The following DPP10 variants were observed in gnomAD, a reference collection of about 807,000 sequenced individuals.
DPP10 encodes the protein dipeptidyl peptidase like 10, also known as inactive dipeptidyl peptidase 10.
A neutral mutation model predicts 120.9 loss-of-function variants in DPP10; 33 were observed. That is an observed-to-expected ratio of 0.27 (90% CI 0.21 to 0.37). The LOEUF (loss-of-function observed/expected upper bound fraction) is 0.37. Ranked by LOEUF, DPP10 falls within the 10% of genes least tolerant of loss-of-function variation. The pLI, the probability that DPP10 is intolerant of heterozygous loss-of-function variation, is 1.00. For synonymous variants in DPP10, 337 were observed against 326.1 expected, an observed-to-expected ratio of 1.03 and a Z score of -0.36; for missense variants, 816 against 942.8, an observed-to-expected ratio of 0.87 and a Z score of 1.76.
At chr2:114,862,895 CAA>C (rs759224817) in intron 1 of DPP10, among the ~76,000 whole-genome samples, 1 of 39,460 alleles carries the variant, frequency 2.5e-5, no homozygotes, top group African/African-American at 8.2e-5. Flanking sequence ...ATTTTAGGAC[CAA>C]AAAAAAAAAA....
intron 3 of DPP10, among the ~76,000 whole-genome samples, chr2:115,474,931 G>T (rs531067920): frequency 5.0e-4 from 76 of 152,258 alleles, no homozygotes; most frequent in African/African-American, 1.7e-3. Context: ...CAAGCCCAGG[G>T]CCCCACTGCC....
At chr2:115,172,030 C>T (rs1410728884) in intron 1 of DPP10, among the ~76,000 whole-genome samples, 1 of 150,090 alleles carries the variant, frequency 6.7e-6, no homozygotes, top group Admixed American at 6.6e-5. Context: ...TTACACTCAG[C>T]ATGAATAAGC....
At chr2:114,664,703 G>A (rs1219318661) in intron 1 of DPP10, among the ~76,000 whole-genome samples, 4 of 151,726 alleles carry the variant, frequency 2.6e-5, no homozygotes, top group Non-Finnish European at 5.9e-5. Context: ...AGGCACAATC[G>A]GGGATGGAGA....
At position 115,499,521 on chromosome 2, in the gene DPP10, G is replaced by T; in HGVS notation, c.283G>T (p.Val95Leu). 1 of 1,610,972 alleles carries T rather than the reference G, an allele frequency of 6.2e-7. No homozygotes were observed. The highest frequency in any genetic ancestry group is 8.5e-7 in the Non-Finnish European group (1 of 1,178,158). Residue 95 changes from valine to leucine, a missense_variant, in exon 4 of 26, where the codon GTG (valine) becomes TTG (leucine). Val to Leu is a conservative substitution (Grantham distance 32). This residue lies in a region of DPP10 where 182 missense variants were observed against 207.4 expected (regional missense o/e 0.88). Transcript: ENST00000410059. ...CTTTGTTGTTGCAGATACAGATGTGGTGTATAAAAGCGAGAATGGACATGT... is the reference window on the plus strand; with the variant it reads ...CTTTGTTGTTGCAGATACAGATGTGTTGTATAAAAGCGAGAATGGACATGT... ...EARWINDTDVVYKSENGHVIK... is the reference protein window; with the variant it reads ...EARWINDTDVLYKSENGHVIK...
chr2:115,114,536 G>A lies in DPP10; in HGVS notation c.61-194703G>A, dbSNP rs571506292. ...TTTATTCTCAAGGAGTTATATTCAC[G>A]ATCTAGATTCTCTACATGTGCCACC... On this transcript the variant is annotated intron_variant, in intron 1 of 25. Transcript: ENST00000410059. Among the ~76,000 whole-genome samples the A allele has an allele frequency of 8.5e-5, 13 of 152,108 alleles. No homozygotes were observed. The East Asian group carries it at 1.9e-3, about 23-fold the overall frequency.
At chr2:114,670,111 G>C (rs374107076) in intron 1 of DPP10, among the ~76,000 whole-genome samples, 1 of 152,288 alleles carries the variant, frequency 6.6e-6, no homozygotes, top group East Asian at 1.9e-4. Context: ...AGTCGGTGTG[G>C]AGATTCCTCA....
intron 1 of DPP10, among the ~76,000 whole-genome samples, chr2:115,294,806 C>T (rs1414438052): frequency 6.6e-6 from 1 of 151,992 alleles, no homozygotes; most frequent in African/African-American, 2.4e-5. Flanking sequence ...TGATGTTTCT[C>T]ATGCAGCCAA....
At chr2:115,827,414 GTATA>G (rs70941101) in intron 21 of DPP10, among the ~76,000 whole-genome samples, 22 of 75,438 alleles carry the variant, frequency 2.9e-4, no homozygotes, top group African/African-American at 8.7e-4. Flanking sequence ...ATGTGTGTGT[GTATA>G]TATATATATA....
At chr2:114,881,562 T>TACC (rs1691631302) in intron 1 of DPP10, among the ~76,000 whole-genome samples, 1 of 139,262 alleles carries the variant, frequency 7.2e-6, no homozygotes, top group Non-Finnish European at 1.6e-5. Context: ...TCTATCTATG[T>TACC]ATCATCTATC....
At chr2:115,374,627 A>G (rs776216467) in intron 3 of DPP10, among the ~76,000 whole-genome samples, 1 of 152,220 alleles carries the variant, frequency 6.6e-6, no homozygotes, top group African/African-American at 2.4e-5. Context: ...GGCTCCGCAC[A>G]TGCAGCATAC....
intron 1 of DPP10, among the ~76,000 whole-genome samples, chr2:114,686,742 A>G (rs1385311562): frequency 6.6e-6 from 1 of 151,938 alleles, no homozygotes; most frequent in African/African-American, 2.4e-5. Flanking sequence ...GAGCCAGGAA[A>G]AAACGCAATA....
chr2:115,716,256 C>A (rs2092489090), intron 7 of DPP10, among the ~76,000 whole-genome samples: 1 of 152,150 alleles, frequency 6.6e-6, no homozygotes, highest in Non-Finnish European at 1.5e-5. Context: ...TAATTTATTG[C>A]AAACAACCCA....
chr2:115,153,839 C>CTA (rs765951368), intron 1 of DPP10, among the ~76,000 whole-genome samples: 1 of 152,102 alleles, frequency 6.6e-6, no homozygotes, highest in Non-Finnish European at 1.5e-5. Flanking sequence ...CTAAGTGGTA[C>CTA]TAAGTTGTTA....
At chr2:114,658,624 T>G (rs1697144257) in intron 1 of DPP10, among the ~76,000 whole-genome samples, 1 of 152,184 alleles carries the variant, frequency 6.6e-6, no homozygotes, top group Non-Finnish European at 1.5e-5. Flanking sequence ...GTGCTTAGAC[T>G]GTTGGATCAC....
chr2:115,188,510 T>A (rs2054632275), intron 1 of DPP10, among the ~76,000 whole-genome samples: 1 of 152,228 alleles, frequency 6.6e-6, no homozygotes, highest in Admixed American at 6.5e-5. Flanking sequence ...TCAGGCCATA[T>A]TTTAGGGTCT....
chr2:114,951,540 A>G (rs1697784806), intron 1 of DPP10, among the ~76,000 whole-genome samples: 1 of 152,222 alleles, frequency 6.6e-6, no homozygotes, highest in Admixed American at 6.5e-5. Flanking sequence ...TATTAGATAT[A>G]AATCTAAATA....
intron 4 of DPP10, among the ~76,000 whole-genome samples, chr2:115,510,003 T>C (rs1326535415): frequency 1.3e-5 from 2 of 152,206 alleles, no homozygotes; most frequent in Non-Finnish European, 2.9e-5. Context: ...TTGTATATCT[T>C]TGTTGGAGAA....
At chr2:114,950,068 T>C (rs928136870) in intron 1 of DPP10, among the ~76,000 whole-genome samples, 2 of 152,224 alleles carry the variant, frequency 1.3e-5, no homozygotes, top group Non-Finnish European at 2.9e-5. Context: ...GATTTTCATA[T>C]AGCTATATGC....
At chr2:115,571,824 A>G (rs2081353185) in intron 5 of DPP10, among the ~76,000 whole-genome samples, 1 of 149,784 alleles carries the variant, frequency 6.7e-6, no homozygotes, top group Non-Finnish European at 1.5e-5. Context: ...AAGCATTTTT[A>G]TTATACTTTC....
Sources: gnomAD v4.1 joint callset for allele counts (sites outside exome capture counted in the v4.1 genomes callset) on GRCh38, gnomAD v4.1.1 for gene constraint, gnomAD v4.1.1 regional missense constraint, MANE v1.5 for transcripts, NCBI Gene and HGNC (gene_info 2026-07-23, HGNC 2026-07-21) for gene names.